Variants in SLC41A2 observed in about 807,000 individuals in gnomAD.
The protein encoded by SLC41A2 is solute carrier family 41 member 2, also known as SLC41A1-like 1.
A neutral mutation model predicts 58.3 loss-of-function variants in SLC41A2; 32 were observed. The observed-to-expected ratio is 0.55, with a 90% confidence interval of 0.41 to 0.74. The LOEUF is 0.74. Ranked by LOEUF, SLC41A2 falls within the 30% of genes least tolerant of loss-of-function variation. The probability of loss-of-function intolerance (pLI) is 0.00; values close to 1 mark genes in which losing one functional copy is unlikely to be tolerated. For missense variants in SLC41A2, 514 were observed against 680.6 expected (o/e 0.76, Z 2.72); for synonymous variants, 190 against 235.0 (o/e 0.81, Z 1.75).
At chr12:104,881,596 G>C (rs1431206749) in intron 6 of SLC41A2, among the ~76,000 whole-genome samples, 1 of 152,170 alleles carries the variant, frequency 6.6e-6, no homozygotes, top group Non-Finnish European at 1.5e-5. Flanking sequence ...TTCAGGAGCA[G>C]GTTGTTCAGT....
chr12:104,877,545 T>C (rs2044109726), intron 6 of SLC41A2, among the ~76,000 whole-genome samples: 1 of 152,202 alleles, frequency 6.6e-6, no homozygotes. Context: ...AAAATCATGA[T>C]CTGTGATAGT....
intron 1 of SLC41A2, among the ~76,000 whole-genome samples, chr12:104,942,109 C>A (rs766958091): frequency 6.6e-6 from 1 of 151,978 alleles, no homozygotes; most frequent in Non-Finnish European, 1.5e-5. Flanking sequence ...TATTTATTCC[C>A]CCTACTCTGT....
chr12:104,819,401 A>T (rs2041540108), intron 10 of SLC41A2, among the ~76,000 whole-genome samples: 1 of 152,196 alleles, frequency 6.6e-6, no homozygotes, highest in Admixed American at 6.5e-5. Context: ...GAAAAGAAAG[A>T]CTGAAAATAA....
intron 10 of SLC41A2, among the ~76,000 whole-genome samples, chr12:104,813,534 A>T (rs2136211510): frequency 6.6e-6 from 1 of 152,318 alleles, no homozygotes; most frequent in Admixed American, 6.5e-5. Flanking sequence ...ATAAATAGCT[A>T]AAGGAGCTCT....
chr12:104,815,603 AT>A (rs2041364213), intron 10 of SLC41A2, among the ~76,000 whole-genome samples: 1 of 152,154 alleles, frequency 6.6e-6, no homozygotes, highest in African/African-American at 2.4e-5. Context: ...AAGAAAGATG[AT>A]TTCTTTGGGA....
At chr12:104,869,255 T>C (rs1319061254) in intron 6 of SLC41A2, among the ~76,000 whole-genome samples, 1 of 152,166 alleles carries the variant, frequency 6.6e-6, no homozygotes, top group Non-Finnish European at 1.5e-5. Flanking sequence ...AACCACTGAA[T>C]TGTATACTTT....
chr12:104,942,353 C>T (rs923754931), intron 1 of SLC41A2, among the ~76,000 whole-genome samples: 6 of 151,850 alleles, frequency 4.0e-5, no homozygotes, highest in Non-Finnish European at 7.4e-5. Flanking sequence ...TATCTCATGC[C>T]TGTATTCTCA....
At chr12:104,807,210 A>C (rs2040953215) in intron 10 of SLC41A2, among the ~76,000 whole-genome samples, 1 of 152,224 alleles carries the variant, frequency 6.6e-6, no homozygotes, top group Non-Finnish European at 1.5e-5. Context: ...TCTAACATTT[A>C]AGTCTTTAAT....
At chr12:104,823,443 A>T (rs1203788849) in intron 10 of SLC41A2, among the ~76,000 whole-genome samples, 2 of 152,174 alleles carry the variant, frequency 1.3e-5, no homozygotes, top group East Asian at 1.9e-4. Flanking sequence ...AATCAGTGGA[A>T]CAGAAGAAAG....
At position 104,803,836 on chromosome 12, in the gene SLC41A2, C is replaced by T. The variant is rs931279997; in HGVS notation, c.*1316G>A. 1 of 151,978 alleles carries T rather than the reference C, an allele frequency of 6.6e-6. No individual in the cohort carries two copies. Among genetic ancestry groups the T allele is most frequent in the Non-Finnish European group, 1.5e-5 (1 of 68,010 alleles). The allele number at this position is 151,978 out of a possible 1,614,324, so 9.4% of individuals were successfully genotyped here. On this transcript the variant is annotated 3_prime_UTR_variant, in exon 11 of 11. Coordinates refer to ENST00000258538, the MANE Select transcript of SLC41A2 (RefSeq NM_001352171.3). Reference sequence around the variant, plus strand: ...TAAGCATGAACAATAATTGAGGTAACCCACCAACTTCTTTTTTAAAAGCGT... The same window carrying T: ...TAAGCATGAACAATAATTGAGGTAATCCACCAACTTCTTTTTTAAAAGCGT...
chr12:104,873,921 T>C (rs1446028134), intron 6 of SLC41A2, among the ~76,000 whole-genome samples: 1 of 152,164 alleles, frequency 6.6e-6, no homozygotes, highest in Non-Finnish European at 1.5e-5. Flanking sequence ...ATTTTGGATA[T>C]TGACTCCTTA....
At position 104,853,926 on chromosome 12, in the gene SLC41A2, T is replaced by TTTTTTTTA. The variant is rs2042917652; in HGVS notation, c.1255+7364_1255+7365insTAAAAAAA. Among the ~76,000 whole-genome samples, 194 of 118,924 alleles carry TTTTTTTTA rather than the reference T, an allele frequency of 1.6e-3. 6 individuals are homozygous for TTTTTTTTA. The highest frequency in any genetic ancestry group is 5.4e-3 in the African/African-American group (176 of 32,572). 78.0% of individuals were successfully genotyped at this position (118,924 alleles called of 152,430 possible). A position where few individuals can be genotyped will look rare whatever the true frequency, so the allele number is the denominator to read the frequency against. ...TGCCTGGCTGATTTTTTTTTTTTTT[T>TTTTTTTTA]TTTTTTTTTTTTTAGTAGAACTGAG... On this transcript the variant is annotated intron_variant, in intron 8 of 10. Coordinates refer to ENST00000258538, the MANE Select transcript of SLC41A2 (RefSeq NM_001352171.3).
intron 2 of SLC41A2, among the ~76,000 whole-genome samples, chr12:104,924,916 A>C (rs537160313): frequency 1.1e-4 from 17 of 152,286 alleles, no homozygotes; most frequent in Admixed American, 6.5e-4. Flanking sequence ...CACACACACA[A>C]AAAACCATGT....
chr12:104,826,724 C>G (rs1465714333), intron 10 of SLC41A2, among the ~76,000 whole-genome samples: 1 of 152,168 alleles, frequency 6.6e-6, no homozygotes. Flanking sequence ...AATGGGGGAT[C>G]TTGGCAAGTT....
chr12:104,927,856 C>A, intron 2 of SLC41A2, 117 bp downstream of exon 2: 7 of 943,722 alleles, frequency 7.4e-6, no homozygotes, highest in Admixed American at 3.5e-5. Context: ...TTCATTTTAC[C>A]AAGGGATAAA....
chr12:104,925,612 T>C (rs913814681), intron 2 of SLC41A2, among the ~76,000 whole-genome samples: 1 of 152,108 alleles, frequency 6.6e-6, no homozygotes, highest in Non-Finnish European at 1.5e-5. Context: ...AACACTAAAG[T>C]TTAACATTAT....
intron 8 of SLC41A2, among the ~76,000 whole-genome samples, chr12:104,854,979 G>C (rs1253834914): frequency 6.6e-6 from 1 of 152,100 alleles, no homozygotes; most frequent in Non-Finnish European, 1.5e-5. Context: ...GTGGCCCACC[G>C]TTTCATGGGC....
intron 1 of SLC41A2, among the ~76,000 whole-genome samples, chr12:104,951,323 G>A (rs2047945546): frequency 6.6e-6 from 1 of 152,106 alleles, no homozygotes; most frequent in African/African-American, 2.4e-5. Context: ...AATATAAAAA[G>A]ATAAAATTCT....
chr12:104,848,778 TG>T (rs1239549677), intron 8 of SLC41A2, among the ~76,000 whole-genome samples: 1 of 151,994 alleles, frequency 6.6e-6, no homozygotes, highest in Non-Finnish European at 1.5e-5. Flanking sequence ...AACAAATGAA[TG>T]GAGGAAAAAA....
Sources: gnomAD v4.1 joint callset for allele counts (sites outside exome capture counted in the v4.1 genomes callset) on GRCh38, gnomAD v4.1.1 for gene constraint, MANE v1.5 for transcripts, NCBI Gene and HGNC (gene_info 2026-07-23, HGNC 2026-07-21) for gene names.